Variants in TTC7A observed in about 807,000 individuals in gnomAD.
TTC7A encodes the protein tetratricopeptide repeat domain 7A.
TTC7A carries 110 observed loss-of-function variants against 103.7 expected under a neutral mutation model. The observed-to-expected ratio is 1.06, with a 90% CI of 0.91 to 1.24. The LOEUF (loss-of-function observed/expected upper bound fraction) is 1.24. TTC7A is among the 50% of genes most tolerant of loss of function. The pLI is 0.00. For missense variants in TTC7A, 1,340 were observed against 1,116.3 expected (o/e 1.20, Z -2.86); for synonymous variants, 521 against 467.9 (o/e 1.11, Z -1.47).
chr2:47,024,157 A>C, intron 13 of TTC7A, 130 bp from the exon 14 acceptor site: 4 of 759,126 alleles, frequency 5.3e-6, no homozygotes, highest in East Asian at 3.3e-5. Flanking sequence ...CCTCTGAGGC[A>C]GAGCCTGGCA....
intron 2 of TTC7A, 89 bp from the exon 3 acceptor site, chr2:46,956,750 C>A: frequency 6.8e-7 from 1 of 1,468,034 alleles, no homozygotes. Context: ...TGAGCAAGGT[C>A]TGAGGCAAAC....
chr2:47,072,302 G>A (rs567028913), intron 19 of TTC7A, among the ~76,000 whole-genome samples: 3 of 152,286 alleles, frequency 2.0e-5, no homozygotes, highest in South Asian at 2.1e-4. Flanking sequence ...TCCTTGCTAC[G>A]GCTTTGCCCA....
At chr2:47,014,454 G>T (rs1047513655) in intron 11 of TTC7A, among the ~76,000 whole-genome samples, 1 of 152,142 alleles carries the variant, frequency 6.6e-6, no homozygotes, top group Non-Finnish European at 1.5e-5. Flanking sequence ...CACAAATTTC[G>T]TGTTTGAGCC....
At chr2:47,040,740 G>A (rs1438652363) in intron 15 of TTC7A, among the ~76,000 whole-genome samples, 2 of 152,188 alleles carry the variant, frequency 1.3e-5, no homozygotes, top group Non-Finnish European at 1.5e-5. Context: ...CTGCTACTTA[G>A]AGGTCATCAC....
At chr2:46,942,140 C>T (rs1324490352) in intron 1 of TTC7A, among the ~76,000 whole-genome samples, 1 of 152,190 alleles carries the variant, frequency 6.6e-6, no homozygotes, top group Non-Finnish European at 1.5e-5. Flanking sequence ...AAACGGAGCT[C>T]CGTCCGAAGC....
At position 47,046,327 on chromosome 2, in the gene TTC7A, C is replaced by G; in HGVS notation, c.1815C>G (p.Thr605=). The change falls in exon 16 of 20, where the codon ACC becomes ACG. Residue 605 remains threonine (T), a synonymous_variant. Transcript: ENST00000319190. ...EHPENFNLMF[T]KVKLEQVLKG... is the part of the protein sequence containing the mutation. Reference sequence around the variant, plus strand: ...TCCGTCCCCACAGCCTGATGTTCACCAAGGTGAAGCTGGAGCAGGTGCTGA... The same window carrying G: ...TCCGTCCCCACAGCCTGATGTTCACGAAGGTGAAGCTGGAGCAGGTGCTGA... The G allele has an allele frequency of 6.2e-6, 10 of 1,613,972 alleles. No homozygotes were observed. The highest frequency in any genetic ancestry group is 8.5e-6 in the Non-Finnish European group (10 of 1,179,952).
At chr2:47,025,181 C>T (rs1278695835) in intron 14 of TTC7A, among the ~76,000 whole-genome samples, 1 of 152,272 alleles carries the variant, frequency 6.6e-6, no homozygotes, top group East Asian at 1.9e-4. Context: ...CCGAAGAAGC[C>T]CATGTATTTG....
rs750010499 is a variant in TTC7A, at chr2:46,975,064, C to T, written c.609C>T (p.Ala203=). Residue 203 remains alanine (A), a synonymous_variant, in exon 4 of 20, where the codon GCC becomes GCT. Coordinates refer to ENST00000319190, the MANE Select transcript of TTC7A (RefSeq NM_020458.4). The part of the protein sequence containing the change: ...EEEVITCFER[A]SWIAQVFLQE... Reference sequence around the variant, plus strand: ...AAGTGATCACCTGTTTTGAGAGGGCCTCCTGGATCGCTCAGGTGTTCCTGC... The same window carrying T: ...AAGTGATCACCTGTTTTGAGAGGGCTTCCTGGATCGCTCAGGTGTTCCTGC... The T allele has an allele frequency of 4.3e-6, 7 of 1,613,998 alleles. No homozygotes were observed. The South Asian group carries it at 5.5e-5, about 13-fold the overall frequency.
At chr2:46,979,886 G>A (rs1243983239) in intron 5 of TTC7A, among the ~76,000 whole-genome samples, 1 of 152,178 alleles carries the variant, frequency 6.6e-6, no homozygotes, top group East Asian at 1.9e-4. Flanking sequence ...CTGACGAGAG[G>A]AGCAGACCCA....
chr2:47,050,208 T>C, intron 17 of TTC7A, 162 bp downstream of exon 17: 1 of 638,640 alleles, frequency 1.6e-6, no homozygotes, highest in African/African-American at 1.8e-5. Context: ...ATCTTGGCTC[T>C]GGGTAGGGGC....
chr2:46,975,635 G>GC (rs1181342487), intron 4 of TTC7A, among the ~76,000 whole-genome samples: 1 of 152,054 alleles, frequency 6.6e-6, no homozygotes, highest in Non-Finnish European at 1.5e-5. Context: ...GGTGGTAGCA[G>GC]CGTTTGCGAT....
chr2:46,950,673 C>G, intron 2 of TTC7A, 147 bp downstream of exon 2: 1 of 798,130 alleles, frequency 1.3e-6, no homozygotes, highest in Non-Finnish European at 1.9e-6. Flanking sequence ...ACTGGCTGCA[C>G]ATGGCCCCTT....
chr2:46,915,938 C>G (rs902676044), upstream of TTC7A: 2 of 985,224 alleles, frequency 2.0e-6, no homozygotes, highest in African/African-American at 1.7e-5. Flanking sequence ...CACGTGTAAT[C>G]GGCCCGGGCC....
At chr2:47,031,910 C>T (rs369149249) in intron 15 of TTC7A, among the ~76,000 whole-genome samples, 10 of 152,272 alleles carry the variant, frequency 6.6e-5, no homozygotes, top group African/African-American at 2.2e-4. Flanking sequence ...CCACTCGTGG[C>T]TCCCCATCAG....
intron 3 of TTC7A, among the ~76,000 whole-genome samples, chr2:46,965,548 G>A (rs956933344): frequency 4.0e-5 from 6 of 148,446 alleles, no homozygotes; most frequent in Non-Finnish European, 7.4e-5. Flanking sequence ...GAATTAATCC[G>A]TTTTCCCTGG....
intron 16 of TTC7A, among the ~76,000 whole-genome samples, chr2:47,047,657 T>C (rs916008272): frequency 6.6e-6 from 1 of 152,226 alleles, no homozygotes; most frequent in African/African-American, 2.4e-5. Flanking sequence ...TGCATCCTTA[T>C]CTGGATGGCT....
intron 1 of TTC7A, among the ~76,000 whole-genome samples, chr2:46,947,712 G>T (rs996623110): frequency 1.3e-5 from 2 of 152,098 alleles, no homozygotes; most frequent in Non-Finnish European, 2.9e-5. Context: ...GACCCTGTCT[G>T]AAAATAAATT....
chr2:46,951,071 C>G (rs1438907909), intron 2 of TTC7A, among the ~76,000 whole-genome samples: 2 of 152,148 alleles, frequency 1.3e-5, no homozygotes, highest in Admixed American at 1.3e-4. Flanking sequence ...TAGTTAGAAA[C>G]AGGCAAACAT....
intron 3 of TTC7A, among the ~76,000 whole-genome samples, chr2:46,961,872 G>GCACT (rs906109990): frequency 7.9e-5 from 12 of 152,148 alleles, no homozygotes; most frequent in African/African-American, 2.9e-4. Context: ...TCACACCATG[G>GCACT]CACTACAGCT....
Sources: gnomAD v4.1 joint callset for allele counts (sites outside exome capture counted in the v4.1 genomes callset) on GRCh38, gnomAD v4.1.1 for gene constraint, MANE v1.5 for transcripts, NCBI Gene and HGNC (gene_info 2026-07-23, HGNC 2026-07-21) for gene names.